Variants in ASCC3 observed in about 807,000 individuals in gnomAD.
ASCC3 encodes the protein activating signal cointegrator 1 complex subunit 3, also known as ASC-1 complex subunit P200.
In ASCC3, 158 loss-of-function variants were observed where a neutral mutation model predicts 256.3. That is an observed-to-expected ratio of 0.62 (90% CI 0.54 to 0.70). The LOEUF (loss-of-function observed/expected upper bound fraction) is 0.70. Among genes scored for constraint, ASCC3 ranks in the 30% least tolerant of loss-of-function variants. The pLI, the probability that ASCC3 is intolerant of heterozygous loss-of-function variation, is 0.00. For missense variants in ASCC3, 2,259 were observed against 2,626.0 expected (o/e 0.86, Z 3.05); for synonymous variants, 948 against 883.4 (o/e 1.07, Z -1.30).
chr6:100,820,438 CA>C (rs1770981736), intron 4 of ASCC3, among the ~76,000 whole-genome samples: 1 of 151,938 alleles, frequency 6.6e-6, no homozygotes, highest in South Asian at 2.1e-4. Context: ...CAGTGATGTA[CA>C]AAAAATTAAG....
intron 30 of ASCC3, among the ~76,000 whole-genome samples, chr6:100,621,052 T>A (rs190899763): frequency 6.6e-6 from 1 of 152,148 alleles, no homozygotes; most frequent in Non-Finnish European, 1.5e-5. Context: ...ATTCTTCAGA[T>A]GGGCGCGGTG....
intron 7 of ASCC3, 69 bp from the exon 8 acceptor site, chr6:100,798,907 T>C: frequency 1.5e-6 from 2 of 1,370,720 alleles, no homozygotes; most frequent in Non-Finnish European, 2.0e-6. Context: ...AAATATTCTT[T>C]AGAGAGAGAC....
chr6:100,693,991 CACCT>C (rs1156547975), intron 13 of ASCC3, among the ~76,000 whole-genome samples: 1 of 152,130 alleles, frequency 6.6e-6, no homozygotes, highest in Admixed American at 6.6e-5. Context: ...ATTCCTGTGA[CACCT>C]CAGAGCAACC....
In ASCC3 at chr6:100,655,709, T is replaced by A. The variant is rs1176044709; in HGVS notation, c.2813A>T (p.Lys938Met). The A allele has an allele frequency of 3.7e-6, 6 of 1,610,832 alleles. No individual in the cohort carries two copies. The highest frequency in any genetic ancestry group is 2.2e-5 in the East Asian group (1 of 44,758). The change falls in exon 17 of 42, where the codon AAG (lysine) becomes ATG (methionine). Residue 938 changes from lysine (K) to methionine (M), a missense_variant. Physicochemically the swap from Lys to Met is moderately conservative, Grantham distance 95. This residue lies in a region of ASCC3 where 1,839 missense variants were observed against 2,206.7 expected (regional missense o/e 0.83). Transcript: ENST00000369162. ...ANPLAYGISH[K>M]AYQIDPTLRK... ...AAATGAGTTTTCTACCTGATAAGCC[T>A]TGTGACTGATGCCATATGCTAATGG...
intron 27 of ASCC3, 116 bp from the exon 28 acceptor site, chr6:100,628,103 C>CAA: frequency 5.3e-6 from 5 of 936,600 alleles, no homozygotes; most frequent in Non-Finnish European, 6.2e-6. Context: ...AAAAAAAAAA[C>CAA]AAAAAAAAAG....
chr6:100,818,073 G>A (rs1279019382), intron 4 of ASCC3, among the ~76,000 whole-genome samples: 1 of 152,122 alleles, frequency 6.6e-6, no homozygotes, highest in Non-Finnish European at 1.5e-5. Context: ...ATTAATGTCA[G>A]GGATACAAGG....
chr6:100,757,513 G>A (rs1007311166), intron 10 of ASCC3, among the ~76,000 whole-genome samples: 10 of 150,126 alleles, frequency 6.7e-5, no homozygotes, highest in African/African-American at 2.5e-4. Context: ...GAAAAATGTG[G>A]AAGAACTTCA....
intron 29 of ASCC3, 35 bp from the exon 30 acceptor site, chr6:100,625,369 T>A (rs760849770): frequency 1.9e-6 from 3 of 1,606,716 alleles, no homozygotes. Context: ...AATGGAAAGA[T>A]ACTTAACCCC....
At chr6:100,860,506 A>G (rs1225680869) in intron 3 of ASCC3, among the ~76,000 whole-genome samples, 1 of 151,996 alleles carries the variant, frequency 6.6e-6, no homozygotes, top group Non-Finnish European at 1.5e-5. Context: ...CGTCAGCATT[A>G]CAGGTAGTGA....
intron 3 of ASCC3, among the ~76,000 whole-genome samples, chr6:100,849,489 C>A (rs1373983493): frequency 6.6e-6 from 1 of 151,964 alleles, no homozygotes; most frequent in Non-Finnish European, 1.5e-5. Flanking sequence ...TTCTATAGTT[C>A]TCATTCAAAA....
chr6:100,685,234 A>G (rs964300980), intron 13 of ASCC3, among the ~76,000 whole-genome samples: 1 of 152,182 alleles, frequency 6.6e-6, no homozygotes, highest in Non-Finnish European at 1.5e-5. Flanking sequence ...TTTGTTTTAC[A>G]TTATGTGGCA....
intron 36 of ASCC3, among the ~76,000 whole-genome samples, chr6:100,545,489 T>A (rs912959620): frequency 2.0e-5 from 3 of 152,206 alleles, no homozygotes; most frequent in Non-Finnish European, 4.4e-5. Flanking sequence ...ATGGCACTTC[T>A]GAGAAATCTA....
chr6:100,829,242 C>T (rs1020431503), intron 4 of ASCC3, among the ~76,000 whole-genome samples: 3 of 151,776 alleles, frequency 2.0e-5, no homozygotes, highest in Admixed American at 2.0e-4. Flanking sequence ...ACTCCTCAGC[C>T]CTTGGGTGGT....
rs113208710 is a variant in ASCC3, at chr6:100,803,977, T to C, written c.922+1783A>G. Among the ~76,000 whole-genome samples, 5 of 151,886 alleles carry C rather than the reference T, an allele frequency of 3.3e-5. 1 individual carries two copies. Among genetic ancestry groups the C allele is most frequent in the African/African-American group, 1.2e-4 (5 of 41,422 alleles). ...ACAGTGTGGTAAAGGTAAAAAAAAA[T>C]TGTTTTCCTATTTACCACTTAAAAC... is the stretch of plus-strand genomic sequence containing the variant. On this transcript the variant is annotated intron_variant, in intron 5 of 41. Transcript: ENST00000369162.
chr6:100,879,865 T>A (rs1394208143), intron 1 of ASCC3, among the ~76,000 whole-genome samples: 2 of 152,218 alleles, frequency 1.3e-5, no homozygotes, highest in Non-Finnish European at 2.9e-5. Context: ...CATATATACA[T>A]TGACAATAAC....
chr6:100,821,922 T>C (rs1771068363), intron 4 of ASCC3, among the ~76,000 whole-genome samples: 3 of 152,132 alleles, frequency 2.0e-5, no homozygotes, highest in Admixed American at 1.3e-4. Flanking sequence ...AGAAAGACCA[T>C]ATTAGATGAT....
chr6:100,685,408 C>G (rs1777526491), intron 13 of ASCC3, among the ~76,000 whole-genome samples: 1 of 152,132 alleles, frequency 6.6e-6, no homozygotes, highest in South Asian at 2.1e-4. Context: ...GCCCTAAAGA[C>G]CTACATAAAT....
intron 11 of ASCC3, among the ~76,000 whole-genome samples, chr6:100,724,682 G>A (rs1034115850): frequency 4.0e-5 from 6 of 151,770 alleles, no homozygotes; most frequent in African/African-American, 1.5e-4. Context: ...GGGAGAGGAG[G>A]GAAAAGGAAT....
At chr6:100,862,365 G>A (rs1281898709) in intron 3 of ASCC3, among the ~76,000 whole-genome samples, 2 of 151,814 alleles carry the variant, frequency 1.3e-5, no homozygotes, top group East Asian at 1.9e-4. Context: ...AAAACAATGA[G>A]GACATTCAAT....
Sources: gnomAD v4.1 joint callset for allele counts (sites outside exome capture counted in the v4.1 genomes callset) on GRCh38, gnomAD v4.1.1 for gene constraint, gnomAD v4.1.1 regional missense constraint, MANE v1.5 for transcripts, NCBI Gene and HGNC (gene_info 2026-07-23, HGNC 2026-07-21) for gene names.